ALKBH5: variants seen among roughly 807,000 people sequenced by gnomAD.
ALKBH5 encodes RNA demethylase ALKBH5.
A neutral mutation model predicts 32.1 loss-of-function variants in ALKBH5; 2 were observed. The observed-to-expected ratio is 0.06, with a 90% CI of 0.03 to 0.20. ALKBH5 has a LOEUF of 0.20. Ranked by LOEUF, ALKBH5 falls within the 10% of genes least tolerant of loss-of-function variation. The pLI is 1.00. For missense variants in ALKBH5, 352 were observed against 559.5 expected, an observed-to-expected ratio of 0.63 and a Z score of 3.74; for synonymous variants, 300 against 231.7, an observed-to-expected ratio of 1.29 and a Z score of -2.68.
intron 1 of ALKBH5, among the ~76,000 whole-genome samples, chr17:18,190,122 T>C (rs1203888688): frequency 2.0e-5 from 3 of 152,210 alleles, no homozygotes; most frequent in African/African-American, 4.8e-5. Context: ...TCCCTCCATC[T>C]CTGGTTCATC....
Position 18,184,648 on chromosome 17 carries a change from C to T in ALKBH5, c.405C>T (p.Phe135=). The T allele has an allele frequency of 6.2e-7, 1 of 1,613,060 alleles. No homozygotes were observed. Among genetic ancestry groups the T allele is most frequent in the Non-Finnish European group, 8.5e-7 (1 of 1,179,864 alleles). ...CCCCACTGCGCAACAAGTACTTCTT[C>T]GGCGAAGGCTACACTTACGGCGCCC... ...DRAPLRNKYF[F]GEGYTYGAQL... is the part of the protein sequence containing the mutation. The change falls in exon 1 of 4, where the codon TTC becomes TTT. Residue 135 remains phenylalanine (F), a synonymous_variant. Transcript: ENST00000399138.
At chr17:18,192,143 G>A (rs1399702952) in intron 1 of ALKBH5, among the ~76,000 whole-genome samples, 1 of 152,192 alleles carries the variant, frequency 6.6e-6, no homozygotes, top group African/African-American at 2.4e-5. Flanking sequence ...TCCCTGCAGG[G>A]GGAGCCCAGA....
intron 1 of ALKBH5, among the ~76,000 whole-genome samples, chr17:18,189,777 T>C (rs556475212): frequency 2.6e-5 from 4 of 152,360 alleles, no homozygotes; most frequent in Non-Finnish European, 4.4e-5. Flanking sequence ...TGTCATCTAT[T>C]GAATGCTTGA....
At chr17:18,207,143 C>A (rs1216453292) in intron 3 of ALKBH5, among the ~76,000 whole-genome samples, 173 bp downstream of exon 3, 2 of 152,180 alleles carry the variant, frequency 1.3e-5, no homozygotes. Flanking sequence ...CTAACCCTGG[C>A]CAACTGCCTG....
At chr17:18,208,016 T>C (rs929832106) in intron 3 of ALKBH5, among the ~76,000 whole-genome samples, 6 of 152,142 alleles carry the variant, frequency 3.9e-5, no homozygotes, top group African/African-American at 1.4e-4. Flanking sequence ...CACAGGGTAA[T>C]TGGGAAATGT....
chr17:18,189,100 G>A (rs539687522), intron 1 of ALKBH5, among the ~76,000 whole-genome samples: 2 of 151,742 alleles, frequency 1.3e-5, no homozygotes, highest in African/African-American at 2.4e-5. Flanking sequence ...TTTCAAGGCC[G>A]GGCGCGGTGG....
chr17:18,189,677 G>A (rs2047162009), intron 1 of ALKBH5, among the ~76,000 whole-genome samples: 1 of 152,170 alleles, frequency 6.6e-6, no homozygotes, highest in Non-Finnish European at 1.5e-5. Flanking sequence ...CGTTGACTTC[G>A]GGGAAATTAA....
chr17:18,203,391 G>T (rs2142488039), intron 2 of ALKBH5, among the ~76,000 whole-genome samples: 1 of 152,274 alleles, frequency 6.6e-6, no homozygotes, highest in Admixed American at 6.5e-5. Context: ...CTTCCCTTCG[G>T]TTCACACTTT....
intron 1 of ALKBH5, among the ~76,000 whole-genome samples, 166 bp downstream of exon 1, chr17:18,185,179 T>C (rs1422303982): frequency 6.6e-6 from 1 of 152,170 alleles, no homozygotes; most frequent in Non-Finnish European, 1.5e-5. Flanking sequence ...TTAAGATACC[T>C]ATAGCAAGAA....
intron 1 of ALKBH5, among the ~76,000 whole-genome samples, chr17:18,192,854 CTTTTTTT>C (rs201150139): frequency 1.5e-4 from 17 of 115,588 alleles, no homozygotes; most frequent in African/African-American, 4.2e-4. Flanking sequence ...CTGTCTTTTT[CTTTTTTT>C]TTTTTTTTTT....
chr17:18,188,699 A>AAAGAAAGG (rs1357109247), intron 1 of ALKBH5, among the ~76,000 whole-genome samples: 1 of 152,176 alleles, frequency 6.6e-6, no homozygotes, highest in Non-Finnish European at 1.5e-5. Context: ...GAGGGCAGTA[A>AAAGAAAGG]AAGAAAGGAA....
At chr17:18,203,071 T>TAAAA (rs771396075) in intron 2 of ALKBH5, among the ~76,000 whole-genome samples, 1 of 133,502 alleles carries the variant, frequency 7.5e-6, no homozygotes, top group East Asian at 2.2e-4. Flanking sequence ...GATTGTCTTT[T>TAAAA]AAAAAAAAAA....
chr17:18,195,217 AAATT>A (rs1278402868), intron 2 of ALKBH5, among the ~76,000 whole-genome samples, 182 bp downstream of exon 2: 2 of 152,194 alleles, frequency 1.3e-5, no homozygotes, highest in East Asian at 3.8e-4. Flanking sequence ...TTTTATCAGA[AAATT>A]AAGTACTCTA....
intron 2 of ALKBH5, among the ~76,000 whole-genome samples, chr17:18,204,921 G>A (rs887524960): frequency 1.3e-5 from 2 of 151,994 alleles, no homozygotes; most frequent in Non-Finnish European, 2.9e-5. Flanking sequence ...AGCCGGGCAT[G>A]GTGGCCCAGT....
At chr17:18,200,298 A>G (rs1430797690) in intron 2 of ALKBH5, among the ~76,000 whole-genome samples, 1 of 151,946 alleles carries the variant, frequency 6.6e-6, no homozygotes, top group Non-Finnish European at 1.5e-5. Context: ...CCTTAGGTCA[A>G]CATTTGATTC....
rs1217746882 is a variant in ALKBH5, at chr17:18,184,897, G to A, written c.654G>A (p.Val218=). ...IHIFERPIVS[V]SFFSDSALCF... ...TCTTCGAGCGCCCCATCGTGTCCGT[G>A]TCCTTCTTTAGCGACTCTGCGCTGT... Residue 218 remains valine, a synonymous_variant, in exon 1 of 4, where the codon GTG becomes GTA. Transcript: ENST00000399138. The A allele has an allele frequency of 6.2e-7, 1 of 1,614,112 alleles. No homozygotes were observed. Among genetic ancestry groups the A allele is most frequent in the Non-Finnish European group, 8.5e-7 (1 of 1,180,056 alleles).
At chr17:18,208,081 G>A (rs1421987544) in intron 3 of ALKBH5, 138 bp from the exon 4 acceptor site, 4 of 866,314 alleles carry the variant, frequency 4.6e-6, no homozygotes, top group Non-Finnish European at 1.8e-6. Context: ...CCGATACCAG[G>A]GCCTCTGCCA....
chr17:18,196,087 C>T (rs968391665), intron 2 of ALKBH5, among the ~76,000 whole-genome samples: 1 of 152,116 alleles, frequency 6.6e-6, no homozygotes, highest in Non-Finnish European at 1.5e-5. Flanking sequence ...ATTTAGATTT[C>T]CTTAGGTTTT....
rs2047203622 is a variant in ALKBH5 at position 18,196,244 on chromosome 17, A to G, written c.851+1209A>G. Among the ~76,000 whole-genome samples, 3 of 141,530 alleles carry G rather than the reference A, an allele frequency of 2.1e-5. No homozygotes were observed. The South Asian group carries it at 6.6e-4, about 31-fold the overall frequency. 92.8% of individuals were successfully genotyped at this position (141,530 alleles called of 152,430 possible). A position where few individuals can be genotyped will look rare whatever the true frequency, so the allele number is the denominator to read the frequency against. On this transcript the variant is annotated intron_variant, in intron 2 of 3. Coordinates refer to ENST00000399138, the MANE Select transcript of ALKBH5 (RefSeq NM_017758.4). The stretch of plus-strand genomic sequence containing the variant: ...TTTTTTTTTTTTGAGACAGGGTCTC[A>G]CTCTGTCGCCTAGGCTGGAATAGGC...
Sources: gnomAD v4.1 joint callset for allele counts (sites outside exome capture counted in the v4.1 genomes callset) on GRCh38, gnomAD v4.1.1 for gene constraint, MANE v1.5 for transcripts, NCBI Gene and HGNC (gene_info 2026-07-23, HGNC 2026-07-21) for gene names.